SLC1A2: variants seen among roughly 807,000 people sequenced by gnomAD.
SLC1A2 encodes the protein solute carrier family 1 member 2, also known as excitatory amino acid transporter 2.
A neutral mutation model predicts 48.8 loss-of-function variants in SLC1A2; 15 were observed. The observed-to-expected ratio is 0.31, with a 90% confidence interval of 0.21 to 0.47. SLC1A2 has a LOEUF of 0.47. SLC1A2 is among the 20% of genes least tolerant of loss of function. The pLI, the probability that SLC1A2 is intolerant of heterozygous loss-of-function variation, is 0.99. For synonymous variants in SLC1A2, 279 were observed against 272.6 expected, an observed-to-expected ratio of 1.02 and a Z score of -0.23; for missense variants, 502 against 730.5, an observed-to-expected ratio of 0.69 and a Z score of 3.61.
At chr11:35,343,329 C>G (rs1018650275) in intron 1 of SLC1A2, among the ~76,000 whole-genome samples, 3 of 152,196 alleles carry the variant, frequency 2.0e-5, no homozygotes, top group African/African-American at 7.2e-5. Context: ...ATTAACATAC[C>G]AAATCACACA....
chr11:35,415,568 T>G (rs1424741166), intron 1 of SLC1A2, among the ~76,000 whole-genome samples: 1 of 152,234 alleles, frequency 6.6e-6, no homozygotes, highest in Non-Finnish European at 1.5e-5. Context: ...TGTAGGGTCT[T>G]CCTCCTGCTG....
At chr11:35,269,596 T>G (rs765059107) in intron 9 of SLC1A2, among the ~76,000 whole-genome samples, 2 of 152,224 alleles carry the variant, frequency 1.3e-5, no homozygotes, top group Non-Finnish European at 2.9e-5. Context: ...TACAAACGAC[T>G]GCTTCTTCAA....
chr11:35,347,727 G>C (rs1354394950), intron 1 of SLC1A2, among the ~76,000 whole-genome samples: 1 of 152,180 alleles, frequency 6.6e-6, no homozygotes. Context: ...GGAAAACAGA[G>C]ATCATTGTGC....
At chr11:35,284,087 T>TATATA (rs1850729531) in intron 8 of SLC1A2, among the ~76,000 whole-genome samples, 53 of 115,862 alleles carry the variant, frequency 4.6e-4, no homozygotes, top group African/African-American at 1.7e-3. Context: ...GAAGATTTTA[T>TATATA]TATATATATA....
At chr11:35,274,548 CAGTT>C (rs1166256522) in intron 9 of SLC1A2, among the ~76,000 whole-genome samples, 7 of 151,972 alleles carry the variant, frequency 4.6e-5, no homozygotes, top group African/African-American at 1.7e-4. Context: ...AGTGGAGGGT[CAGTT>C]AGTTAAGTTT....
At chr11:35,405,108 G>T in intron 1 of SLC1A2, among the ~76,000 whole-genome samples, 1 of 146,068 alleles carries the variant, frequency 6.8e-6, no homozygotes, top group Middle Eastern at 3.3e-3. Context: ...GCCAGCCATG[G>T]TTTTTCTTCT....
intron 7 of SLC1A2, among the ~76,000 whole-genome samples, chr11:35,288,299 C>T (rs538041183): frequency 7.6e-4 from 116 of 152,300 alleles, no homozygotes; most frequent in African/African-American, 2.8e-3. Context: ...CTGTCTCATG[C>T]CTCCTTCTTG....
chr11:35,332,295 C>T (rs10836375), intron 1 of SLC1A2, among the ~76,000 whole-genome samples: 90,068 of 152,076 alleles, frequency 0.59, 26,930 homozygotes, highest in Middle Eastern at 0.67. Context: ...GGGTCATCAA[C>T]ACCACTTAAT....
Position 35,381,926 on chromosome 11 carries a change from T to C in SLC1A2, c.17+37024A>G, listed in dbSNP as rs549256166. 2.0e-5 allele frequency among the ~76,000 whole-genome samples: 3 copies of C among 152,246 alleles called. No individual in the cohort carries two copies. The East Asian group carries it at 5.8e-4, about 29-fold the overall frequency. Reference sequence around the variant, plus strand: ...CCCCTTCCACTGAGTGAAGTGACAATGAAGAAAATGATGATGAAATTGTAA... The same window carrying C: ...CCCCTTCCACTGAGTGAAGTGACAACGAAGAAAATGATGATGAAATTGTAA... On this transcript the variant is annotated intron_variant, in intron 1 of 10. Transcript: ENST00000278379.
chr11:35,337,094 C>T (rs1852662959), intron 1 of SLC1A2, among the ~76,000 whole-genome samples: 1 of 152,088 alleles, frequency 6.6e-6, no homozygotes, highest in South Asian at 2.1e-4. Flanking sequence ...ATATCCACCT[C>T]CTAAACTACT....
chr11:35,268,774 T>C (rs1204852871), intron 9 of SLC1A2, among the ~76,000 whole-genome samples: 1 of 152,086 alleles, frequency 6.6e-6, no homozygotes, highest in Non-Finnish European at 1.5e-5. Context: ...ATTTACTAGA[T>C]GACAGAACTA....
chr11:35,383,860 C>A (rs1360864049), intron 1 of SLC1A2, among the ~76,000 whole-genome samples: 1 of 152,140 alleles, frequency 6.6e-6, no homozygotes, highest in East Asian at 1.9e-4. Context: ...GAGGAATGGC[C>A]ACCATGATAC....
At chr11:35,340,227 C>A (rs114634617) in intron 1 of SLC1A2, among the ~76,000 whole-genome samples, 1,861 of 152,170 alleles carry the variant, frequency 0.012, 37 homozygotes, top group African/African-American at 0.043. Context: ...CAGTGCCAAG[C>A]CAGAGGTAAA....
chr11:35,298,648 G>T (rs1323164020), intron 6 of SLC1A2: 1 of 152,156 alleles, frequency 6.6e-6, no homozygotes, highest in African/African-American at 2.4e-5. Context: ...TCTTATTCCT[G>T]CCTCACAACC....
chr11:35,381,035 G>C (rs1443497680), intron 1 of SLC1A2, among the ~76,000 whole-genome samples: 2 of 152,240 alleles, frequency 1.3e-5, no homozygotes, highest in African/African-American at 4.8e-5. Flanking sequence ...ACAGAGCTCA[G>C]GTATAAGTTA....
chr11:35,372,999 C>G (rs1161647829), intron 1 of SLC1A2, among the ~76,000 whole-genome samples: 1 of 152,208 alleles, frequency 6.6e-6, no homozygotes, highest in African/African-American at 2.4e-5. Flanking sequence ...CAAGCCCAGG[C>G]AGCCTGGCTG....
intron 1 of SLC1A2, among the ~76,000 whole-genome samples, chr11:35,409,537 T>C (rs1380561710): frequency 2.0e-5 from 3 of 152,178 alleles, no homozygotes; most frequent in Non-Finnish European, 4.4e-5. Context: ...CCATTGGACA[T>C]GGCACCCTTG....
At chr11:35,295,769 T>G (rs1277741849) in intron 6 of SLC1A2, among the ~76,000 whole-genome samples, 1 of 152,174 alleles carries the variant, frequency 6.6e-6, no homozygotes, top group African/African-American at 2.4e-5. Flanking sequence ...CTCCACCTAC[T>G]TTGTCTTTCA....
chr11:35,347,350 G>A (rs906007686), intron 1 of SLC1A2, among the ~76,000 whole-genome samples: 7 of 152,174 alleles, frequency 4.6e-5, no homozygotes, highest in African/African-American at 1.7e-4. Context: ...CAATATACTT[G>A]CTGTTTTGAA....
Sources: allele counts gnomAD v4.1 joint callset (sites outside exome capture counted in the v4.1 genomes callset), GRCh38; gene constraint gnomAD v4.1.1; transcripts MANE v1.5; gene names NCBI Gene and HGNC (gene_info 2026-07-23, HGNC 2026-07-21).